Variants in ERBB4 observed in about 807,000 individuals in gnomAD.
ERBB4 encodes erb-b2 receptor tyrosine kinase 4, also known as receptor tyrosine-protein kinase erbB-4.
A neutral mutation model predicts 158.0 loss-of-function variants in ERBB4; 42 were observed. The observed-to-expected ratio is 0.27, with a 90% CI of 0.21 to 0.34. The LOEUF is 0.34. Ranked by LOEUF, ERBB4 falls within the 10% of genes least tolerant of loss-of-function variation. ERBB4 has a pLI of 1.00. For synonymous variants in ERBB4, 583 were observed against 558.7 expected (o/e 1.04, Z -0.61); for missense variants, 1,333 against 1,624.1 (o/e 0.82, Z 3.08).
At chr2:212,523,173 ACGC>A (rs1692266743) in intron 1 of ERBB4, among the ~76,000 whole-genome samples, 1 of 151,948 alleles carries the variant, frequency 6.6e-6, no homozygotes, top group Admixed American at 6.6e-5. Flanking sequence ...ATTTGTAATT[ACGC>A]CAGGCATGCA....
rs886533008 is a variant in ERBB4, at chr2:211,377,167, A to T, written c.*6448T>A. 1 of 232,784 alleles carries T rather than the reference A, an allele frequency of 4.3e-6. No homozygotes were observed. Among genetic ancestry groups the T allele is most frequent in the Non-Finnish European group, 8.5e-6 (1 of 117,620 alleles). The allele number at this position is 232,784 out of a possible 1,614,324, so 14.4% of individuals were successfully genotyped here. ...AAATATACAGGAAAATGACTCTCACATTAAGGGAAAAGGACAACCCCCAAT... is the reference window on the plus strand; with the variant it reads ...AAATATACAGGAAAATGACTCTCACTTTAAGGGAAAAGGACAACCCCCAAT... On this transcript the variant is annotated 3_prime_UTR_variant, in exon 28 of 28. Transcript: ENST00000342788.
At chr2:211,432,327 G>A (rs546429277) in intron 20 of ERBB4, among the ~76,000 whole-genome samples, 2 of 152,278 alleles carry the variant, frequency 1.3e-5, no homozygotes, top group African/African-American at 4.8e-5. Context: ...ACCTGGTGTA[G>A]TGTAAAGAGA....
chr2:211,765,260 GA>G (rs964386340), intron 4 of ERBB4, among the ~76,000 whole-genome samples: 16 of 152,108 alleles, frequency 1.1e-4, no homozygotes, highest in Non-Finnish European at 2.2e-4. Context: ...TCAAAGCAAA[GA>G]ACCAGAGGCA....
intron 1 of ERBB4, among the ~76,000 whole-genome samples, chr2:212,519,255 TA>T (rs553890461): frequency 2.7e-4 from 41 of 151,994 alleles, no homozygotes; most frequent in Admixed American, 2.2e-3. Flanking sequence ...TTTGAATGCT[TA>T]AAAAAAATCT....
chr2:211,822,892 G>C (rs956820379), intron 3 of ERBB4, among the ~76,000 whole-genome samples: 1 of 151,974 alleles, frequency 6.6e-6, no homozygotes, highest in Non-Finnish European at 1.5e-5. Flanking sequence ...TTGGCCAGGG[G>C]AGTGGCAGAA....
chr2:212,009,957 A>C (rs915520660), intron 2 of ERBB4, among the ~76,000 whole-genome samples: 2 of 152,182 alleles, frequency 1.3e-5, no homozygotes, highest in African/African-American at 4.8e-5. Context: ...CCTATCCCTC[A>C]TAAGCCAGAA....
chr2:211,380,901 T>C lies in ERBB4; in HGVS notation c.*2714A>G, dbSNP rs2062563758. The C allele has an allele frequency of 4.3e-6, 1 of 232,128 alleles. No homozygotes were observed. The highest frequency in any genetic ancestry group is 8.5e-6 in the Non-Finnish European group (1 of 117,456). The allele number at this position is 232,128 out of a possible 1,614,324, so 14.4% of individuals were successfully genotyped here. On this transcript the variant is annotated 3_prime_UTR_variant, in exon 28 of 28. Transcript: ENST00000342788. ...TTTTTCCTTCTCCAAAATGAGTGATTCTGCTTTCTATAGCCCAGTAGAAAC... is the reference window on the plus strand; with the variant it reads ...TTTTTCCTTCTCCAAAATGAGTGATCCTGCTTTCTATAGCCCAGTAGAAAC...
At chr2:212,463,793 C>T (rs992223646) in intron 1 of ERBB4, among the ~76,000 whole-genome samples, 1 of 151,988 alleles carries the variant, frequency 6.6e-6, no homozygotes, top group African/African-American at 2.4e-5. Context: ...GATTAATTGG[C>T]CCTGTTTCAT....
chr2:211,978,359 T>A (rs1005269498), intron 2 of ERBB4, among the ~76,000 whole-genome samples: 4 of 149,768 alleles, frequency 2.7e-5, no homozygotes, highest in Non-Finnish European at 5.9e-5. Context: ...GTGAAAGGAG[T>A]CTGAGTCTGT....
chr2:212,358,586 G>A (rs2089555876), intron 1 of ERBB4, among the ~76,000 whole-genome samples: 1 of 151,458 alleles, frequency 6.6e-6, no homozygotes, highest in Non-Finnish European at 1.5e-5. Flanking sequence ...TGATTAATGA[G>A]GTTATATATG....
intron 19 of ERBB4, among the ~76,000 whole-genome samples, chr2:211,568,655 T>G (rs1417511133): frequency 1.3e-5 from 2 of 152,060 alleles, no homozygotes; most frequent in Non-Finnish European, 2.9e-5. Context: ...AAAATCTCAT[T>G]GCATCAGAGA....
At chr2:211,740,726 T>A (rs1247540804) in intron 5 of ERBB4, among the ~76,000 whole-genome samples, 1 of 143,534 alleles carries the variant, frequency 7.0e-6, no homozygotes, top group African/African-American at 2.6e-5. Flanking sequence ...TTCACGTGCC[T>A]CAGCTTCCCG....
chr2:211,947,822 T>G (rs73079309), intron 2 of ERBB4, among the ~76,000 whole-genome samples: 1 of 152,234 alleles, frequency 6.6e-6, no homozygotes, highest in South Asian at 2.1e-4. Context: ...GTTGTGTTTC[T>G]TTTAAACAGT....
intron 1 of ERBB4, among the ~76,000 whole-genome samples, chr2:212,239,495 C>T (rs1205901884): frequency 1.3e-5 from 2 of 152,118 alleles, no homozygotes; most frequent in Admixed American, 1.3e-4. Context: ...TGATTTCTAC[C>T]TCAGTCGTGT....
At chr2:211,581,022 A>C (rs1265071363) in intron 19 of ERBB4, among the ~76,000 whole-genome samples, 1 of 150,692 alleles carries the variant, frequency 6.6e-6, no homozygotes, top group Non-Finnish European at 1.5e-5. Context: ...AGGAATAGAA[A>C]ACTAAATGCT....
At chr2:212,024,884 A>G (rs988696295) in intron 2 of ERBB4, among the ~76,000 whole-genome samples, 1 of 151,870 alleles carries the variant, frequency 6.6e-6, no homozygotes, top group Non-Finnish European at 1.5e-5. Flanking sequence ...CCTTGGATTC[A>G]GGACAATTTA....
intron 1 of ERBB4, among the ~76,000 whole-genome samples, chr2:212,284,550 T>G (rs147493689): frequency 5.6e-4 from 85 of 152,238 alleles, no homozygotes; most frequent in Admixed American, 1.5e-3. Context: ...ATAAAAGATT[T>G]CTGGGGCATT....
At chr2:212,074,177 A>G (rs944667383) in intron 2 of ERBB4, among the ~76,000 whole-genome samples, 1 of 151,992 alleles carries the variant, frequency 6.6e-6, no homozygotes, top group Non-Finnish European at 1.5e-5. Flanking sequence ...TGTAGCCAAT[A>G]AGAACTCTGT....
At chr2:211,515,962 T>G (rs1232185100) in intron 20 of ERBB4, among the ~76,000 whole-genome samples, 23 of 140,762 alleles carry the variant, frequency 1.6e-4, no homozygotes, top group African/African-American at 5.1e-4. Flanking sequence ...TCACCCAAGC[T>G]GGAGTGCAGT....
Sources: gnomAD v4.1 joint callset for allele counts (sites outside exome capture counted in the v4.1 genomes callset) on GRCh38, gnomAD v4.1.1 for gene constraint, MANE v1.5 for transcripts, NCBI Gene and HGNC (gene_info 2026-07-23, HGNC 2026-07-21) for gene names.